BAG6: variants seen among roughly 807,000 people sequenced by gnomAD.
BAG6 encodes the protein large proline-rich protein BAG6.
BAG6 carries 22 observed loss-of-function variants against 121.0 expected under a neutral mutation model. The ratio of observed to expected loss-of-function variants is 0.18; its 90% CI spans 0.13 to 0.26. The LOEUF is 0.26. BAG6 is among the 10% of genes least tolerant of loss of function. BAG6 has a pLI of 1.00. For synonymous variants in BAG6, 583 were observed against 584.6 expected (o/e 1.00, Z 0.04); for missense variants, 1,233 against 1,537.7 (o/e 0.80, Z 3.31).
chr6:31,646,779 T>G (rs1401628401), intron 7 of BAG6, among the ~76,000 whole-genome samples: 14 of 131,986 alleles, frequency 1.1e-4, no homozygotes, highest in Non-Finnish European at 2.0e-4. Flanking sequence ...TTTTTTTTTT[T>G]TTTTTTTTTT....
intron 5 of BAG6, 36 bp from the exon 6 acceptor site, chr6:31,648,787 G>A: frequency 1.9e-6 from 3 of 1,612,614 alleles, no homozygotes; most frequent in Non-Finnish European, 2.5e-6. Flanking sequence ...GTAGGTTACA[G>A]ATGAAGCCAT....
At chr6:31,642,734 C>T (rs1027656216) in intron 15 of BAG6, 95 bp downstream of exon 15, 30 of 1,417,930 alleles carry the variant, frequency 2.1e-5, no homozygotes, top group African/African-American at 1.3e-4. Flanking sequence ...TCACTAGGGG[C>T]TCTTACCCAG....
chr6:31,639,454 C>A (rs1421011164), intron 25 of BAG6, 46 bp downstream of exon 25: 1 of 1,584,708 alleles, frequency 6.3e-7, no homozygotes, highest in Non-Finnish European at 8.6e-7. Flanking sequence ...GGACCCTAGC[C>A]CAACCCCTCC....
intron 1 of BAG6, chr6:31,652,199 C>T (rs527766820): frequency 5.5e-6 from 1 of 181,028 alleles, no homozygotes. Flanking sequence ...CCCATCGAAC[C>T]CTCCTAACTC....
Position 31,644,888 on chromosome 6 carries a change from C to G in BAG6, c.1369+58G>C. On this transcript the variant is annotated intron_variant, in intron 10 of 25. Coordinates refer to ENST00000676615, the MANE Select transcript of BAG6 (RefSeq NM_001387994.1). The surrounding 1 kb of genome is among the most constrained non-coding windows in gnomAD (Gnocchi z 4.9). ...TTCCCCACCCTGTTCCCTCACACCT[C>G]AGCATGAACCTCCCTCATCATGCTG... is the stretch of plus-strand genomic sequence containing the variant. 1.9e-6 allele frequency: 3 copies of G among 1,539,422 alleles called. No homozygotes were observed. The South Asian group carries it at 3.8e-5, about 19-fold the overall frequency.
At chr6:31,650,837 C>T (rs999887006) in intron 2 of BAG6, among the ~76,000 whole-genome samples, 11 of 152,274 alleles carry the variant, frequency 7.2e-5, no homozygotes, top group Admixed American at 2.6e-4. Context: ...CAATTTGTCT[C>T]CAAGTATTAC....
rs751222397 is a variant in BAG6, at chr6:31,641,854, T to C, written c.2427A>G (p.Gln809=). 84 of 1,612,910 alleles carry C rather than the reference T, an allele frequency of 5.2e-5. No individual in the cohort carries two copies. Among genetic ancestry groups the C allele is most frequent in the African/African-American group, 9.3e-5 (7 of 74,882 alleles). ...AGGATCGCAGCTGGGGCTGGAGCCG[T>C]TGTAGTGGCTGGAAATGCCCATGGA... ...MLLHGHFQPL[Q]RLQPQLRSFF... The change falls in exon 17 of 26, where the codon CAA becomes CAG. Residue 809 remains glutamine (Q), a synonymous_variant. Transcript: ENST00000676615. This position sits in a 1 kb window ranked among gnomAD's most constrained non-coding sequence, Gnocchi z 5.7.
In BAG6 at chr6:31,640,631, C is replaced by A. The variant is rs777860050; in HGVS notation, c.2994+14G>T. ...ACATTATCTGGCCCCTCAACCTCCC[C>A]CTCTCTAGAGTACCTGAGGCTCAGG... is the stretch of plus-strand genomic sequence containing the variant. On this transcript the variant is annotated intron_variant, in intron 22 of 25. Coordinates refer to ENST00000676615, the MANE Select transcript of BAG6 (RefSeq NM_001387994.1). This position sits in a 1 kb window ranked among gnomAD's most constrained non-coding sequence, Gnocchi z 4.2. 1.4e-5 allele frequency: 22 copies of A among 1,612,838 alleles called. No individual in the cohort carries two copies. The highest frequency in any genetic ancestry group is 1.7e-5 in the Non-Finnish European group (20 of 1,179,956).
rs1367858598 is a variant in BAG6, at chr6:31,644,271, G to T, written c.1555+36C>A. 4 of 1,557,304 alleles carry T rather than the reference G, an allele frequency of 2.6e-6. No homozygotes were observed. The highest frequency in any genetic ancestry group is 3.5e-6 in the Non-Finnish European group (4 of 1,150,184). On this transcript the variant is annotated intron_variant, in intron 12 of 25. Coordinates refer to ENST00000676615, the MANE Select transcript of BAG6 (RefSeq NM_001387994.1). This position sits in a 1 kb window ranked among gnomAD's most constrained non-coding sequence, Gnocchi z 4.9. ...CCAGCCAGCTGCCACCATGGACTGT[G>T]CCCTACCTCCCAAGCCTCCCCTTCC...
chr6:31,639,340 A>AAG, intron 25 of BAG6, 114 bp from the exon 26 acceptor site: 1 of 1,448,260 alleles, frequency 6.9e-7, no homozygotes, highest in East Asian at 2.3e-5. Context: ...GCACACTGTC[A>AAG]AATAGCCCGG....
intron 14 of BAG6, 70 bp downstream of exon 14, chr6:31,643,820 A>G (rs1785656702): frequency 6.7e-7 from 1 of 1,496,064 alleles, no homozygotes; most frequent in African/African-American, 1.4e-5. Flanking sequence ...ATATGGAAAG[A>G]ACTGGAAAGT....
In BAG6 at chr6:31,642,129, C is replaced by A. The variant is rs1223703004; in HGVS notation, c.2318G>T (p.Gly773Val). 2.5e-6 allele frequency: 4 copies of A among 1,612,472 alleles called. No individual in the cohort carries two copies. Among genetic ancestry groups the A allele is most frequent in the African/African-American group, 1.3e-5 (1 of 74,886 alleles). Residue 773 changes from glycine to valine, a missense_variant, in exon 16 of 26, where the codon GGA becomes GTA. Around this residue, in one of 7 missense-constraint regions of BAG6, gnomAD observed 288 missense variants for 483.1 expected, o/e 0.60. Coordinates refer to ENST00000676615, the MANE Select transcript of BAG6 (RefSeq NM_001387994.1). ...LSGSSNIFEP[G>V]ADGALGFFGA... ...TTGCTCACCAAGGGCCCCATCAGCT[C>A]CAGGCTCAAAGATGTTGCTGGATCC...
In BAG6 at chr6:31,644,247, C is replaced by T; in HGVS notation, c.1556-53G>A. 6.4e-7 allele frequency: 1 copy of T among 1,573,878 alleles called. No homozygotes were observed. The highest frequency in any genetic ancestry group is 8.6e-7 in the Non-Finnish European group (1 of 1,159,952). On this transcript the variant is annotated intron_variant, in intron 12 of 25. Transcript: ENST00000676615. This position sits in a 1 kb window ranked among gnomAD's most constrained non-coding sequence, Gnocchi z 4.9. ...AGAGGGCTGAGGGCCAGGCCCTTGC[C>T]AGCCAGCTGCCACCATGGACTGTGC...
intron 6 of BAG6, 149 bp from the exon 7 acceptor site, chr6:31,647,975 C>T: frequency 9.6e-7 from 1 of 1,037,338 alleles, no homozygotes; most frequent in Non-Finnish European, 1.3e-6. Context: ...TAGCAACTAG[C>T]ATAAGACTGA....
At chr6:31,639,258 C>G (rs28732153) in intron 25 of BAG6, 32 bp from the exon 26 acceptor site, 55,933 of 1,584,950 alleles carry the variant, frequency 0.035, 1,222 homozygotes, top group South Asian at 0.051. Context: ...GTTGGAGAAA[C>G]GCTGGCCAAG....
chr6:31,644,194 C>A lies in BAG6; in HGVS notation c.1556G>T (p.Gly519Val). The change falls in exon 13 of 26, where the codon GGA becomes GTA. Residue 519 changes from glycine (G) to valine (V), a missense_variant and splice_region_variant. This residue lies in a region of BAG6 where 777 missense variants were observed against 861.4 expected (regional missense o/e 0.90). Coordinates refer to ENST00000676615, the MANE Select transcript of BAG6 (RefSeq NM_001387994.1). The surrounding 1 kb of genome is among the most constrained non-coding windows in gnomAD (Gnocchi z 4.9). ...TGTTGGGAAGCCTGGCACCTGCTGTCCTGTGGGTGGCAGAAGAGACAGACC... is the reference window on the plus strand; with the variant it reads ...TGTTGGGAAGCCTGGCACCTGCTGTACTGTGGGTGGCAGAAGAGACAGACC... ...MVAAVASAAAGQQVPGFPTAP... is the reference protein window; with the variant it reads ...MVAAVASAAAVQQVPGFPTAP... The A allele has an allele frequency of 6.2e-7, 1 of 1,612,682 alleles. No individual in the cohort carries two copies.
intron 14 of BAG6, among the ~76,000 whole-genome samples, 155 bp downstream of exon 14, chr6:31,643,721 CAAAAAAAAAAAAAA>C (rs9281540): frequency 1.5e-5 from 1 of 66,306 alleles, no homozygotes; most frequent in Admixed American, 1.6e-4. Context: ...GACTCCATCT[CAAAAAAAAAAAAAA>C]AAAAAAAAAA....
At chr6:31,651,963 G>T (rs1036225086) in intron 1 of BAG6, 187 bp from the exon 2 acceptor site, 12 of 544,030 alleles carry the variant, frequency 2.2e-5, no homozygotes, top group Non-Finnish European at 4.0e-5. Context: ...GCAGGAGATC[G>T]ACGGCTTAGG....
Position 31,647,786 on chromosome 6 carries a change from G to A in BAG6, c.593C>T (p.Pro198Leu), listed in dbSNP as rs1432851591. 1.0e-5 allele frequency: 16 copies of A among 1,581,674 alleles called. No homozygotes were observed. The East Asian group carries it at 1.4e-4, about 13-fold the overall frequency. Residue 198 changes from proline (P) to leucine (L), a missense_variant, in exon 7 of 26, where the codon CCG becomes CTG. Around this residue, in one of 7 missense-constraint regions of BAG6, gnomAD observed 777 missense variants for 861.4 expected, o/e 0.90. Transcript: ENST00000676615. The stretch of plus-strand genomic sequence containing the variant: ...CTCCGGGGTCACAGCCGGTGGCTGC[G>A]GGGGCGGCTGACTGTGCTGCGGTTG... Reference protein sequence around the residue: ...GPQPQHSQPPPQPPAVTPEPV... With the variant: ...GPQPQHSQPPLQPPAVTPEPV...
Sources: allele counts gnomAD v4.1 joint callset (sites outside exome capture counted in the v4.1 genomes callset), GRCh38; gene constraint gnomAD v4.1.1; regional missense constraint gnomAD v4.1.1; non-coding constraint Gnocchi (gnomAD v3.1); transcripts MANE v1.5; gene names NCBI Gene and HGNC (gene_info 2026-07-23, HGNC 2026-07-21).